Variants in USP47 observed in about 807,000 individuals in gnomAD.
The protein encoded by USP47 is ubiquitin carboxyl-terminal hydrolase 47.
USP47 carries 35 observed loss-of-function variants against 165.1 expected under a neutral mutation model. The ratio of observed to expected loss-of-function variants is 0.21; its 90% CI spans 0.16 to 0.28. The LOEUF (loss-of-function observed/expected upper bound fraction) is 0.28. Among genes scored for constraint, USP47 ranks in the 10% least tolerant of loss-of-function variants. The probability of loss-of-function intolerance (pLI) is 1.00; values close to 1 mark genes in which losing one functional copy is unlikely to be tolerated. For missense variants in USP47, 1,277 were observed against 1,607.4 expected (o/e 0.79, Z 3.52); for synonymous variants, 531 against 544.5 (o/e 0.98, Z 0.35).
At chr11:11,847,977 A>C (rs1371739451) in intron 1 of USP47, among the ~76,000 whole-genome samples, 1 of 152,188 alleles carries the variant, frequency 6.6e-6, no homozygotes, top group Non-Finnish European at 1.5e-5. Flanking sequence ...TTCATTATCC[A>C]TTTTACACAT....
chr11:11,887,506 A>G (rs1353796844), intron 3 of USP47, among the ~76,000 whole-genome samples: 4 of 152,226 alleles, frequency 2.6e-5, no homozygotes, highest in Non-Finnish European at 5.9e-5. Context: ...AAAGGGTTCA[A>G]TCCAACAAGA....
At chr11:11,870,892 T>C (rs533484683) in intron 1 of USP47, among the ~76,000 whole-genome samples, 42 of 152,202 alleles carry the variant, frequency 2.8e-4, no homozygotes, top group Non-Finnish European at 5.7e-4. Flanking sequence ...TAGATACTTA[T>C]TTTTTTTCTC....
intron 12 of USP47, 36 bp from the exon 13 acceptor site, chr11:11,930,008 A>G: frequency 1.3e-6 from 2 of 1,561,718 alleles, no homozygotes; most frequent in South Asian, 2.2e-5. Flanking sequence ...ATAGTGTTAT[A>G]GAATTTGCAA....
chr11:11,908,601 G>GT (rs1184926949), intron 8 of USP47, among the ~76,000 whole-genome samples: 58 of 150,944 alleles, frequency 3.8e-4, no homozygotes, highest in East Asian at 7.8e-4. Flanking sequence ...ATTTTTATGG[G>GT]TTTTTTTTTA....
chr11:11,848,730 C>T (rs2134125692), intron 1 of USP47, among the ~76,000 whole-genome samples: 1 of 151,800 alleles, frequency 6.6e-6, no homozygotes, highest in East Asian at 1.9e-4. Context: ...CTGCCTCAGC[C>T]TCCTGAGTAG....
At position 11,956,171 on chromosome 11, in the gene USP47, A is replaced by G. The variant is rs1348510277; in HGVS notation, c.4064A>G (p.Asp1355Gly). 1.2e-6 allele frequency: 2 copies of G among 1,614,026 alleles called. No individual in the cohort carries two copies. The highest frequency in any genetic ancestry group is 1.7e-6 in the Non-Finnish European group (2 of 1,179,958). Residue 1355 changes from aspartate to glycine, a missense_variant, in exon 28 of 28, where the codon GAC becomes GGC. Physicochemically the swap from Asp to Gly is moderately conservative, Grantham distance 94. Around this residue, in one of 4 missense-constraint regions of USP47, gnomAD observed 909 missense variants for 1,068.1 expected, o/e 0.85. Coordinates refer to ENST00000527733, the MANE Select transcript of USP47 (RefSeq NM_001282659.2). Reference sequence around the variant, plus strand: ...GCACCAAATAAAGATCTGACTCAAGACTGACTCTGATAGTGTAGCATTTTC... The same window carrying G: ...GCACCAAATAAAGATCTGACTCAAGGCTGACTCTGATAGTGTAGCATTTTC... ...DGAPNKDLTQ[D>G]
rs1590225239 is a variant in USP47, at chr11:11,853,270, T to G, written c.39+11046T>G. ...GTAAATTAAAGTTCCAAAAGACATCTACTTTTAGAACAAATTCCTTGGTAT... is the reference window on the plus strand; with the variant it reads ...GTAAATTAAAGTTCCAAAAGACATCGACTTTTAGAACAAATTCCTTGGTAT... On this transcript the variant is annotated intron_variant, in intron 1 of 27. Transcript: ENST00000527733. Among the ~76,000 whole-genome samples, 10 of 152,378 alleles carry G rather than the reference T, an allele frequency of 6.6e-5. 2 individuals are homozygous for G. Among genetic ancestry groups the G allele is most frequent in the Admixed American group, 6.5e-5 (1 of 15,304 alleles).
rs1850174400 is a variant in USP47 at position 11,873,080 on chromosome 11, A to G, written c.40-7097A>G. 3.9e-5 allele frequency among the ~76,000 whole-genome samples: 6 copies of G among 152,322 alleles called. No individual in the cohort carries two copies. In the South Asian group the frequency reaches 1.0e-3, roughly 26 times the overall value. On this transcript the variant is annotated intron_variant, in intron 1 of 27. Transcript: ENST00000527733. ...GACTGGAGAAGATGAGATGAGAGCAATGGTGGCTATTTTAGAGTTGCTTTT... is the reference window on the plus strand; with the variant it reads ...GACTGGAGAAGATGAGATGAGAGCAGTGGTGGCTATTTTAGAGTTGCTTTT...
rs755788357 is a variant in USP47, at chr11:11,929,391, T to C, written c.1387-43T>C. ...ATAGGAAATACACAAATAAGGGTTG[T>C]GTTTTCCTTCTCCTCTGAGTTACTT... On this transcript the variant is annotated intron_variant, in intron 11 of 27. Coordinates refer to ENST00000527733, the MANE Select transcript of USP47 (RefSeq NM_001282659.2). 1.0e-5 allele frequency: 16 copies of C among 1,599,334 alleles called. No individual in the cohort carries two copies. In the South Asian group the frequency reaches 1.7e-4, roughly 17 times the overall value.
intron 16 of USP47, among the ~76,000 whole-genome samples, chr11:11,935,499 A>G (rs1030961001): frequency 2.0e-5 from 3 of 151,958 alleles, no homozygotes; most frequent in African/African-American, 7.2e-5. Flanking sequence ...GAAAAGAGAA[A>G]TAAGTCAATC....
rs551303775 is a variant in USP47 at position 11,844,681 on chromosome 11, T to A, written c.39+2457T>A. Among the ~76,000 whole-genome samples, 6 of 152,260 alleles carry A rather than the reference T, an allele frequency of 3.9e-5. No homozygotes were observed. The East Asian group carries it at 1.2e-3, about 29-fold the overall frequency. On this transcript the variant is annotated intron_variant, in intron 1 of 27. Coordinates refer to ENST00000527733, the MANE Select transcript of USP47 (RefSeq NM_001282659.2). ...TGAAAATAAATGGCAAATTAAAAAA[T>A]TTCATGCATTTATTTTAATGGCTTA...
At chr11:11,849,169 C>T (rs1848592769) in intron 1 of USP47, among the ~76,000 whole-genome samples, 1 of 152,148 alleles carries the variant, frequency 6.6e-6, no homozygotes. Context: ...TCCCAAAGTA[C>T]TAGGGCTATA....
At chr11:11,902,687 A>G (rs776650835) in intron 5 of USP47, 28 bp from the exon 6 acceptor site, 24 of 1,379,740 alleles carry the variant, frequency 1.7e-5, no homozygotes, top group South Asian at 3.5e-5. Flanking sequence ...CATTTTATAA[A>G]TACTTTATTA....
chr11:11,871,653 C>T (rs1850073015), intron 1 of USP47, among the ~76,000 whole-genome samples: 1 of 151,796 alleles, frequency 6.6e-6, no homozygotes, highest in East Asian at 1.9e-4. Context: ...CAGCCAAACA[C>T]TCTAGGGGGA....
At position 11,959,595 on chromosome 11, in the gene USP47, A is replaced by G. The variant is rs1337693842; in HGVS notation, c.*3420A>G. 6.6e-6 allele frequency among the ~76,000 whole-genome samples: 1 copy of G among 152,244 alleles called. No individual in the cohort carries two copies. The highest frequency in any genetic ancestry group is 1.5e-5 in the Non-Finnish European group (1 of 68,042). ...CTGTGATCATTTGGTTAGATACAGC[A>G]TTAATTGTCACAACTTGACTTTCAG... On this transcript the variant is annotated 3_prime_UTR_variant, in exon 28 of 28. Transcript: ENST00000527733.
At chr11:11,941,924 A>G (rs1366829108) in intron 19 of USP47, among the ~76,000 whole-genome samples, 1 of 152,088 alleles carries the variant, frequency 6.6e-6, no homozygotes, top group East Asian at 1.9e-4. Context: ...TGTTATATTC[A>G]CAAGGTGTCT....
In USP47 at chr11:11,940,581, A is replaced by G. The variant is rs199822707; in HGVS notation, c.2313+33A>G. The G allele has an allele frequency of 2.6e-5, 41 of 1,602,974 alleles. No individual in the cohort carries two copies. The East Asian group carries it at 5.1e-4, about 20-fold the overall frequency. On this transcript the variant is annotated intron_variant, in intron 19 of 27. Transcript: ENST00000527733. ...ATTTACTTTTTCATTACTATTTTCTATGCTGGTAGTAGTAAATGAAATTAG... is the reference window on the plus strand; with the variant it reads ...ATTTACTTTTTCATTACTATTTTCTGTGCTGGTAGTAGTAAATGAAATTAG...
intron 4 of USP47, among the ~76,000 whole-genome samples, chr11:11,894,127 A>G (rs1195692956): frequency 1.3e-5 from 2 of 152,162 alleles, no homozygotes; most frequent in East Asian, 3.9e-4. Flanking sequence ...TCAGATTTTA[A>G]TTTCTTTAAA....
At position 11,956,001 on chromosome 11, in the gene USP47, G is replaced by A. The variant is rs1161832579; in HGVS notation, c.3894G>A (p.Arg1298=). The change falls in exon 28 of 28, where the codon AGG becomes AGA. Residue 1298 remains arginine (R), a splice_region_variant and synonymous_variant. Transcript: ENST00000527733. ...ICDDGAVIFY[R]DKTEELMELT... is the part of the protein sequence containing the mutation. ...TATGTGATTAATATTTTATATGTAG[G>A]GATAAAACAGAAGAATTAATGGAAT... 7 of 1,555,174 alleles carry A rather than the reference G, an allele frequency of 4.5e-6. No homozygotes were observed. The highest frequency in any genetic ancestry group is 6.1e-6 in the Non-Finnish European group (7 of 1,156,998).
Sources: gnomAD v4.1 joint callset for allele counts (sites outside exome capture counted in the v4.1 genomes callset) on GRCh38, gnomAD v4.1.1 for gene constraint, gnomAD v4.1.1 regional missense constraint, MANE v1.5 for transcripts, NCBI Gene and HGNC (gene_info 2026-07-23, HGNC 2026-07-21) for gene names.